The following NIPBL variants were observed in gnomAD, a reference collection of about 807,000 sequenced individuals.
The protein encoded by NIPBL is nipped-B-like protein.
NIPBL carries 19 observed loss-of-function variants against 321.8 expected under a neutral mutation model. The ratio of observed to expected loss-of-function variants is 0.06; its 90% CI spans 0.04 to 0.09. NIPBL has a LOEUF of 0.09. Among genes scored for constraint, NIPBL ranks in the 10% least tolerant of loss-of-function variants. The pLI, the probability that NIPBL is intolerant of heterozygous loss-of-function variation, is 1.00. For missense variants in NIPBL, 2,210 were observed against 3,327.0 expected (o/e 0.66, Z 8.26); for synonymous variants, 1,106 against 1,114.1 (o/e 0.99, Z 0.14).
chr5:37,028,284 C>T (rs892196047), intron 32 of NIPBL, among the ~76,000 whole-genome samples: 1 of 151,130 alleles, frequency 6.6e-6, no homozygotes, highest in Non-Finnish European at 1.5e-5. Context: ...TATCCTTCCC[C>T]TATCTGGTTT....
At chr5:37,015,937 A>G in intron 22 of NIPBL, 101 bp from the exon 23 acceptor site, 1 of 1,204,552 alleles carries the variant, frequency 8.3e-7, no homozygotes, top group Non-Finnish European at 1.2e-6. Flanking sequence ...CTAAACATAG[A>G]AAAAAGAAAA....
In NIPBL at chr5:37,036,498, TTA is replaced by T. The variant is rs750164265; in HGVS notation, c.5971+21_5971+22del. The T allele has an allele frequency of 4.7e-5, 51 of 1,093,890 alleles. No homozygotes were observed. Among genetic ancestry groups the T allele is most frequent in the Middle Eastern group, 3.0e-4 (1 of 3,312 alleles). The allele number at this position is 1,093,890 out of a possible 1,614,324, so 67.8% of individuals were successfully genotyped here. A position where few individuals can be genotyped will look rare whatever the true frequency, so the allele number is the denominator to read the frequency against. On this transcript the variant is annotated intron_variant, in intron 33 of 46. Transcript: ENST00000282516. ...AGGAATCTCTAGCTGGTAAGACATT[TTA>T]TATATATATTGATCTTTAGTTGATT...
chr5:37,064,128 G>T, intron 46 of NIPBL, 150 bp downstream of exon 46: 2 of 1,435,672 alleles, frequency 1.4e-6, no homozygotes, highest in Non-Finnish European at 1.8e-6. Context: ...CTACTTACCC[G>T]TTTATACATC....
intron 32 of NIPBL, among the ~76,000 whole-genome samples, chr5:37,034,382 G>A (rs1049240618): frequency 6.6e-6 from 1 of 152,046 alleles, no homozygotes; most frequent in Non-Finnish European, 1.5e-5. Flanking sequence ...CCAGCAATTC[G>A]ACTTCAAATA....
At chr5:37,027,779 C>A (rs1048475542) in intron 32 of NIPBL, among the ~76,000 whole-genome samples, 1 of 151,494 alleles carries the variant, frequency 6.6e-6, no homozygotes, top group African/African-American at 2.4e-5. Context: ...CCACCACACT[C>A]GGCTAATTTT....
chr5:36,913,385 C>CTT (rs770339545), intron 1 of NIPBL, among the ~76,000 whole-genome samples: 44 of 137,870 alleles, frequency 3.2e-4, no homozygotes, highest in African/African-American at 1.1e-3. Flanking sequence ...TTATTTCCTT[C>CTT]TTTTTTTTTT....
chr5:36,891,716 A>T (rs536905199), intron 1 of NIPBL, among the ~76,000 whole-genome samples: 3 of 152,208 alleles, frequency 2.0e-5, no homozygotes, highest in Admixed American at 2.0e-4. Flanking sequence ...CCAGGAAGTT[A>T]TTTAGTAATG....
intron 8 of NIPBL, 105 bp from the exon 9 acceptor site, chr5:36,975,671 A>AT: frequency 2.7e-6 from 3 of 1,107,552 alleles, no homozygotes; most frequent in Admixed American, 2.1e-5. Flanking sequence ...ATAATTTCTT[A>AT]TTTTTTTCTA....
chr5:36,929,016 T>C (rs998400968), intron 1 of NIPBL, among the ~76,000 whole-genome samples: 1 of 152,074 alleles, frequency 6.6e-6, no homozygotes. Flanking sequence ...TTATCTTGGA[T>C]ACATTCCTAA....
intron 1 of NIPBL, among the ~76,000 whole-genome samples, chr5:36,952,055 C>CGCGT (rs1740402620): frequency 3.2e-5 from 2 of 63,156 alleles, no homozygotes; most frequent in Non-Finnish European, 7.8e-5. Flanking sequence ...TGTGTGTGTG[C>CGCGT]GCGCGCGCGC....
At chr5:37,026,184 C>T (rs996741520) in intron 30 of NIPBL, 45 bp from the exon 31 acceptor site, 29 of 1,116,570 alleles carry the variant, frequency 2.6e-5, no homozygotes, top group African/African-American at 9.3e-5. Flanking sequence ...GTGAAATTGC[C>T]GTATTTGTTA....
intron 45 of NIPBL, among the ~76,000 whole-genome samples, chr5:37,063,114 A>C (rs964447788): frequency 1.3e-5 from 2 of 152,180 alleles, no homozygotes; most frequent in Non-Finnish European, 2.9e-5. Context: ...TGAGGTGGGC[A>C]GATCACTCGA....
intron 6 of NIPBL, among the ~76,000 whole-genome samples, chr5:36,970,650 C>T (rs1286468640): frequency 2.0e-5 from 3 of 151,742 alleles, no homozygotes; most frequent in Non-Finnish European, 4.4e-5. Context: ...AGAGAAATAA[C>T]AGATAAATGG....
intron 1 of NIPBL, chr5:36,885,368 C>T (rs567104629): frequency 2.2e-5 from 10 of 459,496 alleles, no homozygotes; most frequent in African/African-American, 1.2e-4. Context: ...CACCAGCTTC[C>T]GCGGCGGCTT....
chr5:37,030,919 CTT>C (rs11291612), intron 32 of NIPBL, among the ~76,000 whole-genome samples: 10,170 of 82,160 alleles, frequency 0.12, 440 homozygotes, highest in East Asian at 0.24. Context: ...CATGTTTAGC[CTT>C]TTTTTTTTTT....
At chr5:36,952,043 T>TGC (rs1740367768) in intron 1 of NIPBL, among the ~76,000 whole-genome samples, 2 of 115,138 alleles carry the variant, frequency 1.7e-5, no homozygotes, top group East Asian at 2.5e-4. Context: ...TGTGTGTGTG[T>TGC]GTGTGTGTGT....
At chr5:36,974,017 A>G (rs1427938019) in intron 8 of NIPBL, among the ~76,000 whole-genome samples, 1 of 152,208 alleles carries the variant, frequency 6.6e-6, no homozygotes, top group African/African-American at 2.4e-5. Context: ...ATGAATTTTC[A>G]GGGATAAAAA....
In NIPBL at chr5:36,996,352, A is replaced by T; in HGVS notation, c.3304+548A>T. ...CAGATGAAGAAATATTTAAAACCAT[A>T]CTATCACTAAATTATGAATGGATTA... On this transcript the variant is annotated intron_variant, in intron 11 of 46. Coordinates refer to ENST00000282516, the MANE Select transcript of NIPBL (RefSeq NM_133433.4). This position sits in a 1 kb window ranked among gnomAD's most constrained non-coding sequence, Gnocchi z 5.0. The T allele has an allele frequency of 2.2e-6, 1 of 453,468 alleles. No homozygotes were observed. The highest frequency in any genetic ancestry group is 4.4e-6 in the Non-Finnish European group (1 of 225,390). 28.1% of individuals were successfully genotyped at this position (453,468 alleles called of 1,614,324 possible).
chr5:36,994,156 A>G (rs560785478), intron 10 of NIPBL, among the ~76,000 whole-genome samples: 9 of 152,280 alleles, frequency 5.9e-5, no homozygotes, highest in Non-Finnish European at 1.2e-4. Context: ...TAACTAGTTA[A>G]ATTAAGAAAG....
Sources: gnomAD v4.1 joint callset for allele counts (sites outside exome capture counted in the v4.1 genomes callset) on GRCh38, gnomAD v4.1.1 for gene constraint, Gnocchi (gnomAD v3.1) non-coding constraint, MANE v1.5 for transcripts, NCBI Gene and HGNC (gene_info 2026-07-23, HGNC 2026-07-21) for gene names.